The following FLG variants were observed in gnomAD, a reference collection of about 807,000 sequenced individuals.
FLG encodes the protein filaggrin, also known as epidermal filaggrin.
Under a neutral mutation model 3.8 loss-of-function variants are expected in FLG, and 6 were observed. The ratio of observed to expected loss-of-function variants is 1.60; its 90% CI spans 0.87 to 3.15. FLG has a LOEUF of 3.15. Among genes scored for constraint, FLG ranks in the 30% most tolerant of loss-of-function variants. FLG has a pLI of 0.00. For synonymous variants in FLG, 2,551 were observed against 1,931.6 expected (o/e 1.32, Z -8.41); for missense variants, 7,595 against 5,050.9 (o/e 1.50, Z -15.27).
In FLG at chr1:152,307,247, A is replaced by T; in HGVS notation, c.7639T>A (p.Ser2547Thr). ...TCTGATTGTCCCTGGCCCACCTGCG[A>T]GTGTCCAGAGCTGTCGGCCCGAGAG... is the stretch of plus-strand genomic sequence containing the variant. ...ASSRADSSGH[S>T]QVGQGQSEGP... Residue 2547 changes from serine to threonine, a missense_variant, in exon 3 of 3, where the codon TCG becomes ACG. Ser to Thr is a moderately conservative substitution (Grantham distance 58). Coordinates refer to ENST00000368799, the MANE Select transcript of FLG (RefSeq NM_002016.2). 1 of 1,612,530 alleles carries T rather than the reference A, an allele frequency of 6.2e-7. No individual in the cohort carries two copies. The highest frequency in any genetic ancestry group is 8.5e-7 in the Non-Finnish European group (1 of 1,179,942).
At position 152,303,541 on chromosome 1, in the gene FLG, C is replaced by G. The variant is rs1216058080; in HGVS notation, c.11345G>C (p.Gly3782Ala). 4 of 1,614,076 alleles carry G rather than the reference C, an allele frequency of 2.5e-6. No homozygotes were observed. In the East Asian group the frequency reaches 8.9e-5, roughly 36 times the overall value. Residue 3782 changes from glycine (G) to alanine (A), a missense_variant, in exon 3 of 3, where the codon GGA becomes GCA. Coordinates refer to ENST00000368799, the MANE Select transcript of FLG (RefSeq NM_002016.2). ...GTGGCTGTGATGGGACCCTGAGTGT[C>G]CAGACCTATCTACCGATTGCTCGTG... The part of the protein sequence containing the change: ...SYHEQSVDRS[G>A]HSGSHHSHTT...
At position 152,304,711 on chromosome 1, in the gene FLG, G is replaced by T. The variant is rs149953408; in HGVS notation, c.10175C>A (p.Thr3392Asn). The T allele has an allele frequency of 7.4e-6, 12 of 1,613,328 alleles. No homozygotes were observed. The highest frequency in any genetic ancestry group is 1.3e-5 in the African/African-American group (1 of 74,708). ...RSGSFLYQVS[T>N]HEQSESAHGR... ...ATGGGCAGACTCAGACTGTTCATGA[G>T]TGCTCACCTGGTAGAGGAAAGACCC... The change falls in exon 3 of 3, where the codon ACT becomes AAT. Residue 3392 changes from threonine to asparagine, a missense_variant. Coordinates refer to ENST00000368799, the MANE Select transcript of FLG (RefSeq NM_002016.2).
At position 152,302,689 on chromosome 1, in the gene FLG, C is replaced by T. The variant is rs768335641; in HGVS notation, c.*11G>A. ...TTCTATTCTTGGATTAATTCCTTTG[C>T]CATTAATTTCTTACTCATAGTAATA... On this transcript the variant is annotated 3_prime_UTR_variant, in exon 3 of 3. Coordinates refer to ENST00000368799, the MANE Select transcript of FLG (RefSeq NM_002016.2). The T allele has an allele frequency of 1.2e-6, 2 of 1,612,336 alleles. No homozygotes were observed. Among genetic ancestry groups the T allele is most frequent in the South Asian group, 1.1e-5 (1 of 90,966 alleles).
Position 152,310,764 on chromosome 1 carries a change from C to A in FLG, c.4122G>T (p.Gly1374=). Residue 1374 remains glycine (G), a synonymous_variant, in exon 3 of 3, where the codon GGG becomes GGT. Coordinates refer to ENST00000368799, the MANE Select transcript of FLG (RefSeq NM_002016.2). ...TGACTGCAGATGAAGCTTGTCTGTG[C>A]CCAATGCCTGAGTGTCTGGAGCTGT... ...SADSSRHSGI[G]HRQASSAVRD... is the part of the protein sequence containing the mutation. The A allele has an allele frequency of 6.2e-7, 1 of 1,613,888 alleles. No homozygotes were observed. The highest frequency in any genetic ancestry group is 8.5e-7 in the Non-Finnish European group (1 of 1,179,976).
In FLG at chr1:152,308,665, T is replaced by G; in HGVS notation, c.6221A>C (p.Glu2074Ala). 6.2e-7 allele frequency: 1 copy of G among 1,614,142 alleles called. No individual in the cohort carries two copies. Among genetic ancestry groups the G allele is most frequent in the Non-Finnish European group, 8.5e-7 (1 of 1,180,022 alleles). ...TTCCCCTGACTGGCCACGTGCGGAC[T>G]CTTTGTGGCTCTGCTGATGGGGCCC... ...KAGPHQQSHK[E>A]SARGQSGESS... The change falls in exon 3 of 3, where the codon GAG (glutamate) becomes GCG (alanine). Residue 2074 changes from glutamate to alanine, a missense_variant. Physicochemically the swap from Glu to Ala is moderately radical, Grantham distance 107. Coordinates refer to ENST00000368799, the MANE Select transcript of FLG (RefSeq NM_002016.2).
chr1:152,313,915 G>A lies in FLG; in HGVS notation c.971C>T (p.Ser324Phe). 6.2e-7 allele frequency: 1 copy of A among 1,613,936 alleles called. No homozygotes were observed. The highest frequency in any genetic ancestry group is 8.5e-7 in the Non-Finnish European group (1 of 1,179,990). ...GCCATCTCTTGACTGCTCCCACGCA[G>A]ATCCATGATGGTTTCTGGAAGCCGA... Reference protein sequence around the residue: ...SGSASRNHHGSAWEQSRDGSR... With the variant: ...SGSASRNHHGFAWEQSRDGSR... The change falls in exon 3 of 3, where the codon TCT becomes TTT. Residue 324 changes from serine to phenylalanine, a missense_variant. Ser to Phe is a radical substitution (Grantham distance 155). Coordinates refer to ENST00000368799, the MANE Select transcript of FLG (RefSeq NM_002016.2).
At position 152,303,438 on chromosome 1, in the gene FLG, C is replaced by T. The variant is rs1557869943; in HGVS notation, c.11448G>A (p.Glu3816=). 2 of 1,613,638 alleles carry T rather than the reference C, an allele frequency of 1.2e-6. No individual in the cohort carries two copies. The highest frequency in any genetic ancestry group is 8.5e-7 in the Non-Finnish European group (1 of 1,179,888). The change falls in exon 3 of 3, where the codon GAG becomes GAA. Residue 3816 remains glutamate, a synonymous_variant. Coordinates refer to ENST00000368799, the MANE Select transcript of FLG (RefSeq NM_002016.2). The part of the protein sequence containing the change: ...SRSASRETRN[E]EQSGDGSRHS... ...GCCTGGAGCCGTCTCCTGACTGTTC[C>T]TCATTACGTGTTTCTCTGCTTGCAC...
intron 1 of FLG, 116 bp from the exon 2 acceptor site, chr1:152,315,593 G>A (rs1652760947): frequency 5.4e-6 from 4 of 739,478 alleles, no homozygotes; most frequent in South Asian, 3.7e-5. Context: ...CCATCTTTAA[G>A]AATGGAAGAT....
intron 1 of FLG, among the ~76,000 whole-genome samples, chr1:152,323,677 AT>A (rs531591628): frequency 0.043 from 6,239 of 144,370 alleles, 406 homozygotes; most frequent in African/African-American, 0.14. Flanking sequence ...GAGAATTGAG[AT>A]TTTTTTTTTT....
chr1:152,310,310 C>A lies in FLG; in HGVS notation c.4576G>T (p.Gly1526Ter). 1 of 1,613,822 alleles carries A rather than the reference C, an allele frequency of 6.2e-7. No individual in the cohort carries two copies. The highest frequency in any genetic ancestry group is 8.5e-7 in the Non-Finnish European group (1 of 1,179,962). ...TGCCCATGGGAGGCATCAGACCTTC[C>A]CTGGGGTGTGGTGTGGCTGTGATGG... The part of the protein sequence containing the change: ...GYHHSHTTPQ[G>*]RSDASHGQSG... The change falls in exon 3 of 3, where the codon GGA becomes TGA. Residue 1526 changes from glycine (G) to a stop codon, truncating the protein, a stop_gained. Transcript: ENST00000368799. LOFTEE classifies it low-confidence loss of function (END_TRUNC).
In FLG at chr1:152,308,649, C is replaced by A. The variant is rs751279387; in HGVS notation, c.6237G>T (p.Gln2079His). The part of the protein sequence containing the change: ...QQSHKESARG[Q>H]SGESSGRSGS... ...CTGAACGTCCAGAGCTTTCCCCTGA[C>A]TGGCCACGTGCGGACTCTTTGTGGC... The change falls in exon 3 of 3, where the codon CAG (glutamine) becomes CAT (histidine). Residue 2079 changes from glutamine to histidine, a missense_variant. Physicochemically the swap from Gln to His is conservative, Grantham distance 24. Transcript: ENST00000368799. The A allele has an allele frequency of 6.2e-7, 1 of 1,614,188 alleles. No individual in the cohort carries two copies. Among genetic ancestry groups the A allele is most frequent in the South Asian group, 1.1e-5 (1 of 91,086 alleles).
Position 152,314,434 on chromosome 1 carries a change from C to A in FLG, c.452G>T (p.Arg151Met). The change falls in exon 3 of 3, where the codon AGG becomes ATG. Residue 151 changes from arginine (R) to methionine (M), a missense_variant. Transcript: ENST00000368799. ...SKSPRETGGK[R>M]HESSSEKKER... The stretch of plus-strand genomic sequence containing the variant: ...TTTTTTTTCAGAACTAGATTCATGC[C>A]TTTTCCCCCCTGTTTCTCTTGGGCT... 1 of 1,613,416 alleles carries A rather than the reference C, an allele frequency of 6.2e-7. No individual in the cohort carries two copies. The highest frequency in any genetic ancestry group is 1.7e-5 in the Admixed American group (1 of 59,982).
chr1:152,304,690 G>A lies in FLG; in HGVS notation c.10196C>T (p.Ala3399Val), dbSNP rs1472126690. Residue 3399 changes from alanine (A) to valine (V), a missense_variant, in exon 3 of 3, where the codon GCC becomes GTC. Transcript: ENST00000368799. The part of the protein sequence containing the change: ...QVSTHEQSES[A>V]HGRTRTSTGR... ...AGTGCTGGTCCTGGTCCGCCCATGG[G>A]CAGACTCAGACTGTTCATGAGTGCT... 4 of 1,612,834 alleles carry A rather than the reference G, an allele frequency of 2.5e-6. No individual in the cohort carries two copies. The highest frequency in any genetic ancestry group is 3.4e-6 in the Non-Finnish European group (4 of 1,179,622).
chr1:152,324,001 G>C (rs565598526), intron 1 of FLG, among the ~76,000 whole-genome samples: 2 of 151,888 alleles, frequency 1.3e-5, no homozygotes, highest in East Asian at 3.9e-4. Context: ...GGGATAAATG[G>C]ATAGATTTGG....
At position 152,304,315 on chromosome 1, in the gene FLG, C is replaced by A; in HGVS notation, c.10571G>T (p.Gly3524Val). ...DSSRHSQSGQ[G>V]QSAGPRTSRN... ...GCTTGTCCTGGGCCCCGCTGATTGT[C>A]CCTGGCCGGACTGTGAGTGTCTAGA... Residue 3524 changes from glycine to valine, a missense_variant, in exon 3 of 3, where the codon GGA (glycine) becomes GTA (valine). Coordinates refer to ENST00000368799, the MANE Select transcript of FLG (RefSeq NM_002016.2). 1 of 1,611,914 alleles carries A rather than the reference C, an allele frequency of 6.2e-7. No homozygotes were observed. The highest frequency in any genetic ancestry group is 8.5e-7 in the Non-Finnish European group (1 of 1,178,984).
At chr1:152,320,715 A>G (rs1297120552) in intron 1 of FLG, among the ~76,000 whole-genome samples, 1 of 151,122 alleles carries the variant, frequency 6.6e-6, no homozygotes, top group African/African-American at 2.4e-5. Flanking sequence ...AAACATCAAC[A>G]TACATTGAAC....
Position 152,303,308 on chromosome 1 carries a change from C to T in FLG, c.11578G>A (p.Gly3860Arg), listed in dbSNP as rs1244741181. The part of the protein sequence containing the change: ...SAGSRRSRRQ[G>R]SSVSQDSDSE... The stretch of plus-strand genomic sequence containing the variant: ...TCACTGTCCTGGCTAACACTGGATC[C>T]CTGGCGCCTGCTTCTCCTGGACCCC... Residue 3860 changes from glycine to arginine, a missense_variant, in exon 3 of 3, where the codon GGA becomes AGA. Coordinates refer to ENST00000368799, the MANE Select transcript of FLG (RefSeq NM_002016.2). 12 of 1,613,976 alleles carry T rather than the reference C, an allele frequency of 7.4e-6. No homozygotes were observed. Among genetic ancestry groups the T allele is most frequent in the Non-Finnish European group, 9.3e-6 (11 of 1,180,026 alleles).
At position 152,307,513 on chromosome 1, in the gene FLG, C is replaced by T. The variant is rs543401482; in HGVS notation, c.7373G>A (p.Gly2458Asp). The change falls in exon 3 of 3, where the codon GGT becomes GAT. Residue 2458 changes from glycine (G) to aspartate (D), a missense_variant. Physicochemically the swap from Gly to Asp is moderately conservative, Grantham distance 94. Coordinates refer to ENST00000368799, the MANE Select transcript of FLG (RefSeq NM_002016.2). The part of the protein sequence containing the change: ...DSSRHSTSQE[G>D]QDTIHGHPGS... ...CGGGTGTCCATGAATGGTGTCCTGACCCTCTTGGGACGTTGAGTGCCTGGA... is the reference window on the plus strand; with the variant it reads ...CGGGTGTCCATGAATGGTGTCCTGATCCTCTTGGGACGTTGAGTGCCTGGA... The T allele has an allele frequency of 1.9e-6, 3 of 1,613,226 alleles. No individual in the cohort carries two copies. The highest frequency in any genetic ancestry group is 3.3e-5 in the Admixed American group (2 of 59,934).
chr1:152,312,369 G>T lies in FLG; in HGVS notation c.2517C>A (p.Asp839Glu). The change falls in exon 3 of 3, where the codon GAC (aspartate) becomes GAA (glutamate). Residue 839 changes from aspartate (D) to glutamate (E), a missense_variant. Coordinates refer to ENST00000368799, the MANE Select transcript of FLG (RefSeq NM_002016.2). Reference protein sequence around the residue: ...SRHSASQDGQDTIRGHPGSSR... With the variant: ...SRHSASQDGQETIRGHPGSSR... The stretch of plus-strand genomic sequence containing the variant: ...TTGACCCCGGGTGTCCACGAATGGT[G>T]TCCTGACCATCTTGGGATGCTGAGT... 5 of 1,611,776 alleles carry T rather than the reference G, an allele frequency of 3.1e-6. No individual in the cohort carries two copies. Among genetic ancestry groups the T allele is most frequent in the Non-Finnish European group, 3.4e-6 (4 of 1,179,422 alleles).
Sources: allele counts gnomAD v4.1 joint callset (sites outside exome capture counted in the v4.1 genomes callset), GRCh38; gene constraint gnomAD v4.1.1; transcripts MANE v1.5; gene names NCBI Gene and HGNC (gene_info 2026-07-23, HGNC 2026-07-21).